Variants in TNFSF13B observed in about 807,000 individuals in gnomAD.
TNFSF13B encodes tumor necrosis factor ligand superfamily member 13B.
In TNFSF13B, 8 loss-of-function variants were observed where a neutral mutation model predicts 29.1. The ratio of observed to expected loss-of-function variants is 0.27; its 90% CI spans 0.16 to 0.50. The LOEUF is 0.50. Among genes scored for constraint, TNFSF13B ranks in the 20% least tolerant of loss-of-function variants. The pLI, the probability that TNFSF13B is intolerant of heterozygous loss-of-function variation, is 0.98. For synonymous variants in TNFSF13B, 125 were observed against 130.8 expected, an observed-to-expected ratio of 0.96 and a Z score of 0.30; for missense variants, 248 against 334.9, an observed-to-expected ratio of 0.74 and a Z score of 2.03.
At chr13:108,300,194 T>C (rs891200669) in intron 3 of TNFSF13B, among the ~76,000 whole-genome samples, 2 of 152,154 alleles carry the variant, frequency 1.3e-5, no homozygotes, top group African/African-American at 4.8e-5. Context: ...AAAATGCTTT[T>C]AAAAAAACAA....
chr13:108,284,253 C>T (rs570633120), intron 2 of TNFSF13B, among the ~76,000 whole-genome samples: 71 of 152,240 alleles, frequency 4.7e-4, no homozygotes, highest in Middle Eastern at 3.4e-3. Context: ...GGCGTGAGCG[C>T]GGGAGGCGGA....
chr13:108,301,798 A>G (rs999393695), intron 3 of TNFSF13B, among the ~76,000 whole-genome samples: 3 of 152,222 alleles, frequency 2.0e-5, no homozygotes, highest in Non-Finnish European at 4.4e-5. Context: ...TGTTCTCACC[A>G]CAAAAATGAC....
intron 3 of TNFSF13B, among the ~76,000 whole-genome samples, chr13:108,301,587 A>C (rs1395606397): frequency 2.0e-5 from 3 of 152,206 alleles, no homozygotes; most frequent in Non-Finnish European, 4.4e-5. Flanking sequence ...GAATCTAAAA[A>C]AAGTCAAATT....
intron 3 of TNFSF13B, among the ~76,000 whole-genome samples, chr13:108,301,827 A>G (rs190607775): frequency 7.4e-4 from 113 of 152,332 alleles, no homozygotes; most frequent in African/African-American, 2.6e-3. Context: ...GAGGTAACAT[A>G]TATTTTAATT....
At chr13:108,281,490 A>G (rs1880954153) in intron 2 of TNFSF13B, among the ~76,000 whole-genome samples, 1 of 152,174 alleles carries the variant, frequency 6.6e-6, no homozygotes, top group Non-Finnish European at 1.5e-5. Flanking sequence ...CATTTACATA[A>G]CTGCATTTGA....
rs760996766 is a variant in TNFSF13B, at chr13:108,306,984, C to G, written c.*46C>G. 1 of 651,088 alleles carries G rather than the reference C, an allele frequency of 1.5e-6. No individual in the cohort carries two copies. The highest frequency in any genetic ancestry group is 3.3e-5 in the Admixed American group (1 of 30,654). 40.3% of individuals were successfully genotyped at this position (651,088 alleles called of 1,614,324 possible). On this transcript the variant is annotated 3_prime_UTR_variant, in exon 6 of 6. Coordinates refer to ENST00000375887, the MANE Select transcript of TNFSF13B (RefSeq NM_006573.5). ...AGCTATTTTCCTCCCTTTCTCTGTA[C>G]CTCTAAGAAGAAAGAATCTAACTGA...
intron 3 of TNFSF13B, among the ~76,000 whole-genome samples, chr13:108,293,131 T>C (rs1005868745): frequency 2.6e-5 from 4 of 152,162 alleles, no homozygotes; most frequent in East Asian, 1.9e-4. Context: ...AATCATCTTT[T>C]AGCATGAGGA....
At chr13:108,280,442 A>G (rs1456651917) in intron 2 of TNFSF13B, among the ~76,000 whole-genome samples, 1 of 152,210 alleles carries the variant, frequency 6.6e-6, no homozygotes, top group Non-Finnish European at 1.5e-5. Flanking sequence ...ATTCATTAGT[A>G]ACTTCATACA....
rs1426112297 is a variant in TNFSF13B, at chr13:108,298,125, C to T, written c.482-5128C>T. 1.4e-5 allele frequency among the ~76,000 whole-genome samples: 2 copies of T among 144,860 alleles called. 1 individual carries two copies. The highest frequency in any genetic ancestry group is 5.2e-5 in the African/African-American group (2 of 38,486). ...TAGTAATAGCAATTTAAGTTTCCTT[C>T]ATGATATATCAGTGTAGGTTTATCA... On this transcript the variant is annotated intron_variant, in intron 3 of 5. Coordinates refer to ENST00000375887, the MANE Select transcript of TNFSF13B (RefSeq NM_006573.5).
At chr13:108,304,092 C>T (rs1881704411) in intron 5 of TNFSF13B, among the ~76,000 whole-genome samples, 1 of 152,104 alleles carries the variant, frequency 6.6e-6, no homozygotes, top group African/African-American at 2.4e-5. Flanking sequence ...ATAACTTGTC[C>T]CAGGTTACAC....
At chr13:108,284,842 T>A (rs893747729) in intron 2 of TNFSF13B, among the ~76,000 whole-genome samples, 1 of 152,162 alleles carries the variant, frequency 6.6e-6, no homozygotes, top group African/African-American at 2.4e-5. Flanking sequence ...AAAACTCTTT[T>A]AAAATAGGTT....
chr13:108,302,937 C>A, intron 3 of TNFSF13B: 1 of 793,664 alleles, frequency 1.3e-6, no homozygotes, highest in South Asian at 5.3e-5. Context: ...GCTTCAAACT[C>A]TCTTATCCAG....
At chr13:108,286,945 A>T (rs1881156167) in intron 3 of TNFSF13B, 86 bp downstream of exon 3, 2 of 825,276 alleles carry the variant, frequency 2.4e-6, no homozygotes, top group Non-Finnish European at 3.8e-6. Flanking sequence ...CATATACGCT[A>T]TGGAATACTA....
chr13:108,295,212 T>C (rs1316097465), intron 3 of TNFSF13B, among the ~76,000 whole-genome samples: 1 of 145,472 alleles, frequency 6.9e-6, no homozygotes, highest in African/African-American at 2.6e-5. Flanking sequence ...GGAGTCTCCG[T>C]CACCCAGCCT....
intron 2 of TNFSF13B, among the ~76,000 whole-genome samples, chr13:108,280,942 T>A (rs991400070): frequency 2.6e-5 from 4 of 152,018 alleles, no homozygotes; most frequent in African/African-American, 9.7e-5. Flanking sequence ...GCCGAGGTAT[T>A]TAGAGGTATT....
chr13:108,273,987 A>G (rs1164057208), intron 2 of TNFSF13B, among the ~76,000 whole-genome samples: 1 of 152,188 alleles, frequency 6.6e-6, no homozygotes, highest in African/African-American at 2.4e-5. Context: ...GAAGAACTCT[A>G]TAATGATCCA....
chr13:108,300,549 A>C (rs989261571), intron 3 of TNFSF13B, among the ~76,000 whole-genome samples: 1 of 152,244 alleles, frequency 6.6e-6, no homozygotes, highest in African/African-American at 2.4e-5. Context: ...CACTCCAAAA[A>C]GTGCTTTGCA....
intron 3 of TNFSF13B, among the ~76,000 whole-genome samples, chr13:108,291,166 T>C (rs1319627058): frequency 2.0e-5 from 3 of 151,940 alleles, no homozygotes; most frequent in African/African-American, 7.2e-5. Flanking sequence ...TATTATTTTC[T>C]GGTAAATTTA....
intron 2 of TNFSF13B, among the ~76,000 whole-genome samples, chr13:108,282,422 T>C (rs1440582217): frequency 2.0e-5 from 3 of 152,218 alleles, no homozygotes; most frequent in Non-Finnish European, 4.4e-5. Context: ...ACCAATTCTC[T>C]AAACTTTCAA....
Sources: gnomAD v4.1 joint callset for allele counts (sites outside exome capture counted in the v4.1 genomes callset) on GRCh38, gnomAD v4.1.1 for gene constraint, MANE v1.5 for transcripts, NCBI Gene and HGNC (gene_info 2026-07-23, HGNC 2026-07-21) for gene names.